MCM8: variants seen among roughly 807,000 people sequenced by gnomAD.
The protein encoded by MCM8 is minichromosome maintenance 8 homologous recombination repair factor.
MCM8 carries 85 observed loss-of-function variants against 98.9 expected under a neutral mutation model. That is an observed-to-expected ratio of 0.86 (90% CI 0.72 to 1.03). MCM8 has a LOEUF of 1.03. Ranked by LOEUF, MCM8 falls within the 50% of genes least tolerant of loss-of-function variation. The pLI, the probability that MCM8 is intolerant of heterozygous loss-of-function variation, is 0.00. For synonymous variants in MCM8, 352 were observed against 338.6 expected, an observed-to-expected ratio of 1.04 and a Z score of -0.44; for missense variants, 951 against 997.8, an observed-to-expected ratio of 0.95 and a Z score of 0.63.
At chr20:5,957,097 A>G (rs1314130216) in intron 5 of MCM8, 29 bp from the exon 6 acceptor site, 7 of 1,493,802 alleles carry the variant, frequency 4.7e-6, no homozygotes, top group Admixed American at 1.8e-5. Context: ...TTGTTTTCCA[A>G]CTTCAGAGTA....
At chr20:5,956,685 C>T (rs1405980209) in intron 5 of MCM8, among the ~76,000 whole-genome samples, 5 of 152,090 alleles carry the variant, frequency 3.3e-5, no homozygotes, top group African/African-American at 9.7e-5. Flanking sequence ...TGAGCCACTG[C>T]GCCCAGCGTG....
Position 5,994,841 on chromosome 20 carries a change from T to G in MCM8, c.*450T>G. On this transcript the variant is annotated 3_prime_UTR_variant, in exon 19 of 19. Coordinates refer to ENST00000610722, the MANE Select transcript of MCM8 (RefSeq NM_032485.6). The stretch of plus-strand genomic sequence containing the variant: ...GGAGGATTCTTTGAGCCCAGGAGTT[T>G]GAGGTTACAGTGAGCCACAATCACA... 3 of 394,178 alleles carry G rather than the reference T, an allele frequency of 7.6e-6. No homozygotes were observed. Among genetic ancestry groups the G allele is most frequent in the Non-Finnish European group, 1.0e-5 (2 of 199,376 alleles). The allele number at this position is 394,178 out of a possible 1,614,324, so 24.4% of individuals were successfully genotyped here. A position where few individuals can be genotyped will look rare whatever the true frequency, so the allele number is the denominator to read the frequency against.
rs376764378 is a variant in MCM8 at position 5,993,487 on chromosome 20, T to C, written c.2241-19T>C. 4 of 1,500,906 alleles carry C rather than the reference T, an allele frequency of 2.7e-6. No individual in the cohort carries two copies. The African/African-American group carries it at 5.6e-5, about 21-fold the overall frequency. 93.0% of individuals were successfully genotyped at this position (1,500,906 alleles called of 1,614,324 possible). A position where few individuals can be genotyped will look rare whatever the true frequency, so the allele number is the denominator to read the frequency against. Reference sequence around the variant, plus strand: ...TGGCAGTGCTACATTGGGTAATTTTTTCTTCCTTTCTTTTTAAGCATGCTA... The same window carrying C: ...TGGCAGTGCTACATTGGGTAATTTTCTCTTCCTTTCTTTTTAAGCATGCTA... On this transcript the variant is annotated intron_variant, in intron 17 of 18. Transcript: ENST00000610722.
At chr20:5,972,877 C>T (rs1355376089) in intron 11 of MCM8, among the ~76,000 whole-genome samples, 179 bp from the exon 12 acceptor site, 1 of 152,124 alleles carries the variant, frequency 6.6e-6, no homozygotes, top group African/African-American at 2.4e-5. Context: ...CAAGTTTTTA[C>T]TTTTTAATCA....
At chr20:5,953,897 A>T (rs2088901888) in intron 3 of MCM8, among the ~76,000 whole-genome samples, 1 of 151,878 alleles carries the variant, frequency 6.6e-6, no homozygotes, top group Non-Finnish European at 1.5e-5. Context: ...CTTTATTGGA[A>T]ATCTGTTCGT....
At chr20:5,961,475 T>G (rs2089141824) in intron 7 of MCM8, among the ~76,000 whole-genome samples, 1 of 152,216 alleles carries the variant, frequency 6.6e-6, no homozygotes, top group South Asian at 2.1e-4. Context: ...TCCTAAGGCT[T>G]CTTTCTCTGA....
rs974042102 is a variant in MCM8 at position 5,950,688 on chromosome 20, A to G, written c.-341A>G. 1.7e-5 allele frequency: 6 copies of G among 354,550 alleles called. No individual in the cohort carries two copies. Among genetic ancestry groups the G allele is most frequent in the African/African-American group, 4.2e-5 (2 of 47,300 alleles). 22.0% of individuals were successfully genotyped at this position (354,550 alleles called of 1,614,324 possible). On this transcript the variant is annotated 5_prime_UTR_variant, in exon 1 of 19. Transcript: ENST00000610722. ...AGTTGGATCACTGAAGCGCCAAAAA[A>G]GAATTTAGGGGAAGACCTGATTTTC...
intron 4 of MCM8, 142 bp downstream of exon 4, chr20:5,954,832 TTTGA>T: frequency 3.3e-6 from 2 of 607,636 alleles, no homozygotes; most frequent in Non-Finnish European, 5.8e-6. Flanking sequence ...CAGTATGGAC[TTTGA>T]TTAATTACTT....
chr20:5,971,932 C>A, intron 10 of MCM8, 75 bp from the exon 11 acceptor site: 1 of 1,330,864 alleles, frequency 7.5e-7, no homozygotes, highest in Non-Finnish European at 1.1e-6. Context: ...GCAGGTTAAA[C>A]AAATTGTAGA....
At position 5,950,683 on chromosome 20, in the gene MCM8, A is replaced by T; in HGVS notation, c.-346A>T. 1 of 362,172 alleles carries T rather than the reference A, an allele frequency of 2.8e-6. No homozygotes were observed. The highest frequency in any genetic ancestry group is 2.1e-5 in the African/African-American group (1 of 47,538). The allele number at this position is 362,172 out of a possible 1,614,324, so 22.4% of individuals were successfully genotyped here. ...GCGGAAGTTGGATCACTGAAGCGCC[A>T]AAAAAGAATTTAGGGGAAGACCTGA... On this transcript the variant is annotated 5_prime_UTR_variant, in exon 1 of 19. Transcript: ENST00000610722.
At chr20:5,987,740 G>A (rs1470966537) in intron 17 of MCM8, among the ~76,000 whole-genome samples, 1 of 151,928 alleles carries the variant, frequency 6.6e-6, no homozygotes, top group East Asian at 1.9e-4. Flanking sequence ...TTTTTTTATA[G>A]CTAGAGTATT....
At position 5,985,940 on chromosome 20, in the gene MCM8, A is replaced by G. The variant is rs1257841759; in HGVS notation, c.1972A>G (p.Ile658Val). The G allele has an allele frequency of 4.3e-6, 7 of 1,614,054 alleles. No individual in the cohort carries two copies. The highest frequency in any genetic ancestry group is 3.3e-5 in the Admixed American group (2 of 59,996). The change falls in exon 16 of 19, where the codon ATA becomes GTA. Residue 658 changes from isoleucine (I) to valine (V), a missense_variant. Transcript: ENST00000610722. Reference protein sequence around the residue: ...ERLKVVPGETIDPIPHQLLRK... With the variant: ...ERLKVVPGETVDPIPHQLLRK... ...GCTTCAGGTGGTTCCTGGAGAAACA[A>G]TAGATCCCATTCCCCACCAGCTATT...
chr20:5,990,068 C>A (rs78564233), intron 17 of MCM8, among the ~76,000 whole-genome samples: 1 of 145,536 alleles, frequency 6.9e-6, no homozygotes, highest in African/African-American at 2.5e-5. Context: ...TCACACAGTG[C>A]TTTTTTTTTT....
intron 6 of MCM8, 83 bp from the exon 7 acceptor site, chr20:5,958,445 A>G: frequency 1.0e-6 from 1 of 978,860 alleles, no homozygotes; most frequent in Non-Finnish European, 1.6e-6. Context: ...TGATTTGAGA[A>G]TTCCATAGTT....
rs1451312665 is a variant in MCM8 at position 5,973,175 on chromosome 20, A to G, written c.1374A>G (p.Leu458=). The G allele has an allele frequency of 1.5e-5, 24 of 1,614,078 alleles. No individual in the cohort carries two copies. Among genetic ancestry groups the G allele is most frequent in the Non-Finnish European group, 2.0e-5 (24 of 1,180,024 alleles). ...PHILVVGDPG[L]GKSQMLQAAC... ...TCCTTGTTGTTGGAGATCCAGGCCTAGGAAAAAGTCAAATGCTACAGGTAG... is the reference window on the plus strand; with the variant it reads ...TCCTTGTTGTTGGAGATCCAGGCCTGGGAAAAAGTCAAATGCTACAGGTAG... The change falls in exon 12 of 19, where the codon CTA becomes CTG. Residue 458 remains leucine (L), a synonymous_variant. Transcript: ENST00000610722.
chr20:5,953,715 C>T (rs529082511), intron 3 of MCM8, among the ~76,000 whole-genome samples: 5 of 151,966 alleles, frequency 3.3e-5, no homozygotes, highest in East Asian at 1.9e-4. Flanking sequence ...CCTCGTTATC[C>T]GCCCGCCTCG....
chr20:5,953,438 G>GGGGTGT (rs1555784884), intron 3 of MCM8, among the ~76,000 whole-genome samples: 1 of 146,190 alleles, frequency 6.8e-6, no homozygotes, highest in African/African-American at 2.5e-5. Flanking sequence ...TCTCATGAGG[G>GGGGTGT]GTGTGTGTGT....
At chr20:5,970,675 C>T (rs1183181253) in intron 10 of MCM8, among the ~76,000 whole-genome samples, 2 of 152,110 alleles carry the variant, frequency 1.3e-5, no homozygotes, top group Admixed American at 6.5e-5. Context: ...AGCACACCAC[C>T]ACCTCCTTCT....
intron 3 of MCM8, among the ~76,000 whole-genome samples, chr20:5,953,817 A>G (rs1002967721): frequency 1.2e-4 from 18 of 151,378 alleles, no homozygotes; most frequent in Admixed American, 2.6e-4. Context: ...GAGGTCCAGG[A>G]CCCTCCCTGC....
Sources: allele counts gnomAD v4.1 joint callset (sites outside exome capture counted in the v4.1 genomes callset), GRCh38; gene constraint gnomAD v4.1.1; transcripts MANE v1.5; gene names NCBI Gene and HGNC (gene_info 2026-07-23, HGNC 2026-07-21).